The following TRIM9 variants were observed in gnomAD, a reference collection of about 807,000 sequenced individuals.
The protein encoded by TRIM9 is tripartite motif containing 9, also known as E3 ubiquitin-protein ligase TRIM9.
Under a neutral mutation model 78.3 loss-of-function variants are expected in TRIM9, and 26 were observed. That is an observed-to-expected ratio of 0.33 (90% CI 0.24 to 0.46). TRIM9 has a LOEUF of 0.46. TRIM9 is among the 20% of genes least tolerant of loss of function. The pLI, the probability that TRIM9 is intolerant of heterozygous loss-of-function variation, is 1.00. For missense variants in TRIM9, 787 were observed against 1,036.4 expected (o/e 0.76, Z 3.30); for synonymous variants, 398 against 416.5 (o/e 0.96, Z 0.54).
At chr14:50,985,463 G>A (rs1404252533) in intron 8 of TRIM9, among the ~76,000 whole-genome samples, 1 of 152,126 alleles carries the variant, frequency 6.6e-6, no homozygotes, top group African/African-American at 2.4e-5. Context: ...TGCTGTTGGT[G>A]TGTTTTTACT....
rs917346906 is a variant in TRIM9 at position 51,073,497 on chromosome 14, T to G, written c.822+20621A>C. 2.0e-5 allele frequency among the ~76,000 whole-genome samples: 3 copies of G among 152,078 alleles called. No individual in the cohort carries two copies. In the East Asian group the frequency reaches 5.8e-4, roughly 29 times the overall value. On this transcript the variant is annotated intron_variant, in intron 1 of 12. Transcript: ENST00000684578. ...TGATCTAAAGCTATATGCAACAATA[T>G]AAGTGGATCCAAAAAACATATCTTT... is the stretch of plus-strand genomic sequence containing the variant.
At chr14:51,023,012 A>C (rs2057903625) in intron 2 of TRIM9, 55 bp from the exon 3 acceptor site, 10 of 1,606,844 alleles carry the variant, frequency 6.2e-6, no homozygotes, top group Non-Finnish European at 8.5e-6. Flanking sequence ...TCAGGCTGCC[A>C]GAGAAAACAG....
Position 50,983,456 on chromosome 14 carries a change from C to T in TRIM9, c.1793-35G>A, listed in dbSNP as rs1425033589. 4 of 1,504,622 alleles carry T rather than the reference C, an allele frequency of 2.7e-6. No homozygotes were observed. The East Asian group carries it at 1.0e-4, about 38-fold the overall frequency. 93.2% of individuals were successfully genotyped at this position (1,504,622 alleles called of 1,614,324 possible). A position where few individuals can be genotyped will look rare whatever the true frequency, so the allele number is the denominator to read the frequency against. ...GATACTACACATCAACGCTATGAAACAACAACCAGGTTGATAAAAATTACT... is the reference window on the plus strand; with the variant it reads ...GATACTACACATCAACGCTATGAAATAACAACCAGGTTGATAAAAATTACT... On this transcript the variant is annotated intron_variant, in intron 8 of 12. Transcript: ENST00000684578.
chr14:51,091,987 TA>T (rs777158517), intron 1 of TRIM9, among the ~76,000 whole-genome samples: 5 of 152,050 alleles, frequency 3.3e-5, no homozygotes, highest in East Asian at 3.8e-4. Flanking sequence ...AGGCTTGTCA[TA>T]AAAAAAATAA....
intron 1 of TRIM9, among the ~76,000 whole-genome samples, chr14:51,078,765 T>A (rs542764590): frequency 2.0e-4 from 31 of 152,268 alleles, no homozygotes; most frequent in African/African-American, 7.5e-4. Flanking sequence ...GAAGGAGATG[T>A]AAGTCCAATA....
chr14:50,992,592 T>C (rs2053661867), intron 7 of TRIM9, among the ~76,000 whole-genome samples: 1 of 151,986 alleles, frequency 6.6e-6, no homozygotes, highest in African/African-American at 2.4e-5. Flanking sequence ...AATGAATGAA[T>C]GAATGAATGA....
chr14:51,056,451 C>T (rs1376517484), intron 1 of TRIM9, among the ~76,000 whole-genome samples: 1 of 151,966 alleles, frequency 6.6e-6, no homozygotes, highest in Non-Finnish European at 1.5e-5. Flanking sequence ...TGAAATAATC[C>T]CCAGTGGCAG....
chr14:50,996,335 T>C, intron 7 of TRIM9: 2 of 985,430 alleles, frequency 2.0e-6, no homozygotes, highest in Non-Finnish European at 2.4e-6. Context: ...TCCAATCCTG[T>C]AATTTATTAA....
At chr14:50,995,969 T>A (rs1011423228) in intron 7 of TRIM9, 2 of 358,538 alleles carry the variant, frequency 5.6e-6, no homozygotes, top group Non-Finnish European at 7.8e-6. Flanking sequence ...TCTTTTTTTT[T>A]AAAATAAGCT....
intron 1 of TRIM9, among the ~76,000 whole-genome samples, chr14:51,073,391 A>C (rs1017851766): frequency 1.1e-4 from 16 of 152,360 alleles, no homozygotes; most frequent in African/African-American, 3.4e-4. Context: ...CAAACCTGGA[A>C]ACTATCAAAA....
At chr14:51,033,520 G>C (rs1464245551) in intron 1 of TRIM9, among the ~76,000 whole-genome samples, 1 of 152,268 alleles carries the variant, frequency 6.6e-6, no homozygotes, top group Non-Finnish European at 1.5e-5. Flanking sequence ...GTAGACTGTA[G>C]TATCGTTCAG....
At position 51,008,943 on chromosome 14, in the gene TRIM9, A is replaced by T. The variant is rs907767558; in HGVS notation, c.1306+137T>A. On this transcript the variant is annotated intron_variant, in intron 5 of 12. Transcript: ENST00000684578. Reference sequence around the variant, plus strand: ...GCTGAAAGGTAGGTCACACATTTATAAGGATACATTTTCATTACATAAGTT... The same window carrying T: ...GCTGAAAGGTAGGTCACACATTTATTAGGATACATTTTCATTACATAAGTT... 7.2e-6 allele frequency: 6 copies of T among 836,372 alleles called. No individual in the cohort carries two copies. The African/African-American group carries it at 1.0e-4, about 14-fold the overall frequency. The allele number at this position is 836,372 out of a possible 1,614,324, so 51.8% of individuals were successfully genotyped here.
Position 51,094,147 on chromosome 14 carries a change from C to T in TRIM9, c.793G>A (p.Ala265Thr). Residue 265 changes from alanine (A) to threonine (T), a missense_variant, in exon 1 of 13, where the codon GCT becomes ACT. Coordinates refer to ENST00000684578, the MANE Select transcript of TRIM9 (RefSeq NM_001387360.1). ...EGKHSSHEVKALGAMWKLHKS... is the reference protein window; with the variant it reads ...EGKHSSHEVKTLGAMWKLHKS... ...TGTAGTTTCCACATGGCCCCCAGAG[C>T]CTTGACTTCGTGGCTGGAGTGTTTG... 1 of 1,613,934 alleles carries T rather than the reference C, an allele frequency of 6.2e-7. No homozygotes were observed. Among genetic ancestry groups the T allele is most frequent in the Non-Finnish European group, 8.5e-7 (1 of 1,179,798 alleles).
At chr14:51,027,053 A>G (rs1408623260) in intron 1 of TRIM9, among the ~76,000 whole-genome samples, 2 of 151,706 alleles carry the variant, frequency 1.3e-5, no homozygotes, top group African/African-American at 4.8e-5. Flanking sequence ...TGCATAAGAT[A>G]CTATATCTAA....
intron 1 of TRIM9, among the ~76,000 whole-genome samples, chr14:51,041,226 T>C (rs910876755): frequency 3.9e-5 from 6 of 152,228 alleles, no homozygotes; most frequent in African/African-American, 1.4e-4. Context: ...TTGACTCCCA[T>C]GAAAATAAAT....
intron 6 of TRIM9, 21 bp from the exon 7 acceptor site, chr14:50,998,209 G>C (rs1162132178): frequency 1.9e-6 from 3 of 1,612,800 alleles, no homozygotes; most frequent in South Asian, 1.1e-5. Flanking sequence ...GCAAAGAACA[G>C]GACAGCACTT....
intron 1 of TRIM9, among the ~76,000 whole-genome samples, chr14:51,032,904 C>T (rs1048199414): frequency 3.9e-5 from 6 of 152,230 alleles, no homozygotes; most frequent in African/African-American, 1.4e-4. Flanking sequence ...TTCCTTTGAG[C>T]GTCTTGTCAG....
intron 1 of TRIM9, among the ~76,000 whole-genome samples, chr14:51,075,750 C>T (rs2062718858): frequency 6.6e-6 from 1 of 152,172 alleles, no homozygotes; most frequent in Non-Finnish European, 1.5e-5. Context: ...TCAAAACTTC[C>T]CAAGGCGGGG....
At chr14:51,038,240 T>C (rs1280108382) in intron 1 of TRIM9, among the ~76,000 whole-genome samples, 1 of 152,158 alleles carries the variant, frequency 6.6e-6, no homozygotes, top group African/African-American at 2.4e-5. Flanking sequence ...GAAGCCACAT[T>C]GCTGGTTTTG....
Sources: allele counts gnomAD v4.1 joint callset (sites outside exome capture counted in the v4.1 genomes callset), GRCh38; gene constraint gnomAD v4.1.1; transcripts MANE v1.5; gene names NCBI Gene and HGNC (gene_info 2026-07-23, HGNC 2026-07-21).